ADAMTSL1: variants seen among roughly 807,000 people sequenced by gnomAD.
ADAMTSL1 encodes ADAMTS like 1, also known as ADAMTS-like protein 1.
Under a neutral mutation model 201.8 loss-of-function variants are expected in ADAMTSL1, and 126 were observed. The ratio of observed to expected loss-of-function variants is 0.62; its 90% CI spans 0.54 to 0.72. The LOEUF is 0.72. Ranked by LOEUF, ADAMTSL1 falls within the 30% of genes least tolerant of loss-of-function variation. The pLI, the probability that ADAMTSL1 is intolerant of heterozygous loss-of-function variation, is 0.00. For synonymous variants in ADAMTSL1, 1,121 were observed against 903.4 expected (o/e 1.24, Z -4.32); for missense variants, 2,679 against 2,277.8 (o/e 1.18, Z -3.59).
intron 1 of ADAMTSL1, among the ~76,000 whole-genome samples, chr9:18,040,916 T>G (rs1446269728): frequency 6.6e-6 from 1 of 152,232 alleles, no homozygotes; most frequent in East Asian, 1.9e-4. Flanking sequence ...AAAAAAATTT[T>G]AAATAAACTC....
chr9:18,539,451 C>G (rs1367850011), intron 3 of ADAMTSL1, among the ~76,000 whole-genome samples: 3 of 152,246 alleles, frequency 2.0e-5, no homozygotes, highest in Non-Finnish European at 4.4e-5. Context: ...CATTCAGTGT[C>G]TGACACCATG....
At chr9:18,654,768 T>C (rs1028002108) in intron 7 of ADAMTSL1, among the ~76,000 whole-genome samples, 1 of 152,228 alleles carries the variant, frequency 6.6e-6, no homozygotes, top group African/African-American at 2.4e-5. Flanking sequence ...GACTGACACA[T>C]TTAATCAACA....
At chr9:18,104,055 A>C (rs1305950351) in intron 1 of ADAMTSL1, among the ~76,000 whole-genome samples, 1 of 152,218 alleles carries the variant, frequency 6.6e-6, no homozygotes, top group Non-Finnish European at 1.5e-5. Context: ...ACAATTAAAT[A>C]GTAACATCTT....
chr9:17,979,676 G>T (rs531877613), intron 1 of ADAMTSL1, among the ~76,000 whole-genome samples: 1 of 152,020 alleles, frequency 6.6e-6, no homozygotes, highest in South Asian at 2.1e-4. Flanking sequence ...ATTTTGTTTT[G>T]CTGCTTGTCT....
intron 1 of ADAMTSL1, among the ~76,000 whole-genome samples, chr9:17,975,025 AG>A (rs1457976704): frequency 6.6e-6 from 1 of 151,996 alleles, no homozygotes; most frequent in Non-Finnish European, 1.5e-5. Context: ...CCTCCCCAAA[AG>A]TTAACCTTCA....
chr9:18,609,090 C>G (rs1284599868), intron 4 of ADAMTSL1, among the ~76,000 whole-genome samples: 1 of 152,096 alleles, frequency 6.6e-6, no homozygotes, highest in Admixed American at 6.6e-5. Flanking sequence ...TATGTCTTTC[C>G]CAGCACCTTA....
At chr9:18,500,917 C>T (rs1231907860) in intron 1 of ADAMTSL1, among the ~76,000 whole-genome samples, 6 of 152,250 alleles carry the variant, frequency 3.9e-5, no homozygotes, top group African/African-American at 1.4e-4. Context: ...CTGAAATTTC[C>T]AGCAGTGGGG....
intron 1 of ADAMTSL1, among the ~76,000 whole-genome samples, chr9:18,133,215 G>T (rs1826020315): frequency 6.6e-6 from 1 of 152,086 alleles, no homozygotes. Context: ...CCCAGGATTA[G>T]AGTTGGGATC....
Position 18,721,544 on chromosome 9 carries a change from G to C in ADAMTSL1, c.1885G>C (p.Glu629Gln), listed in dbSNP as rs1286927260. The change falls in exon 15 of 29, where the codon GAG (glutamate) becomes CAG (glutamine). Residue 629 changes from glutamate to glutamine, a missense_variant. Transcript: ENST00000380548. ...CSESCGGGVQ[E>Q]AVVSCLNKQT... The stretch of plus-strand genomic sequence containing the variant: ...GTGTGATTTGTACACAGGTGTCCAG[G>C]AGGCTGTGGTGAGCTGCTTGAACAA... The C allele has an allele frequency of 6.2e-7, 1 of 1,613,928 alleles. No individual in the cohort carries two copies. The highest frequency in any genetic ancestry group is 8.5e-7 in the Non-Finnish European group (1 of 1,179,882).
chr9:18,562,769 C>T (rs1411384542), intron 3 of ADAMTSL1, among the ~76,000 whole-genome samples: 1 of 152,176 alleles, frequency 6.6e-6, no homozygotes, highest in African/African-American at 2.4e-5. Context: ...TTAAGATGAT[C>T]TTCAATCTTT....
chr9:18,034,865 G>C (rs895291366), intron 1 of ADAMTSL1, among the ~76,000 whole-genome samples: 1 of 152,102 alleles, frequency 6.6e-6, no homozygotes, highest in Non-Finnish European at 1.5e-5. Context: ...TCTCTGAGCT[G>C]AATATTTCAG....
chr9:18,327,812 A>G (rs1834886292), intron 2 of ADAMTSL1, among the ~76,000 whole-genome samples: 1 of 152,236 alleles, frequency 6.6e-6, no homozygotes, highest in Admixed American at 6.5e-5. Context: ...TAGGAAAAGA[A>G]ATGTTAGGCA....
intron 23 of ADAMTSL1, among the ~76,000 whole-genome samples, chr9:18,835,607 C>T (rs1267866749): frequency 1.3e-5 from 2 of 152,090 alleles, no homozygotes; most frequent in Non-Finnish European, 1.5e-5. Flanking sequence ...GATCCCATCA[C>T]CCAGATACTG....
chr9:18,894,553 TGAGA>T (rs1331524687), intron 26 of ADAMTSL1, among the ~76,000 whole-genome samples: 2 of 151,514 alleles, frequency 1.3e-5, no homozygotes, highest in Middle Eastern at 3.2e-3. Context: ...ATATGAGGGA[TGAGA>T]GAAAGGAAGG....
chr9:17,998,775 A>T (rs1819489954), intron 1 of ADAMTSL1, among the ~76,000 whole-genome samples: 2 of 151,914 alleles, frequency 1.3e-5, no homozygotes, highest in Admixed American at 1.3e-4. Context: ...CTTATAAGTG[A>T]GGTGACCTAT....
At chr9:18,134,952 C>T (rs1587130509) in intron 1 of ADAMTSL1, among the ~76,000 whole-genome samples, 1 of 152,208 alleles carries the variant, frequency 6.6e-6, no homozygotes, top group East Asian at 1.9e-4. Flanking sequence ...TAGAAAATTG[C>T]ACTGATATTT....
At chr9:18,738,437 G>C (rs1564194138) in intron 15 of ADAMTSL1, among the ~76,000 whole-genome samples, 1 of 152,212 alleles carries the variant, frequency 6.6e-6, no homozygotes, top group African/African-American at 2.4e-5. Context: ...GAAGATGGTT[G>C]CATTCATAGA....
intron 2 of ADAMTSL1, among the ~76,000 whole-genome samples, chr9:18,277,682 C>T (rs558628790): frequency 6.6e-6 from 1 of 152,136 alleles, no homozygotes; most frequent in Non-Finnish European, 1.5e-5. Context: ...TAAAGTGAGT[C>T]TCTTGTAGGC....
At chr9:17,978,404 T>C (rs1818540239) in intron 1 of ADAMTSL1, among the ~76,000 whole-genome samples, 1 of 152,072 alleles carries the variant, frequency 6.6e-6, no homozygotes, top group Non-Finnish European at 1.5e-5. Flanking sequence ...TGTGATTAGA[T>C]GATTTTCTGT....
Sources: gnomAD v4.1 joint callset for allele counts (sites outside exome capture counted in the v4.1 genomes callset) on GRCh38, gnomAD v4.1.1 for gene constraint, MANE v1.5 for transcripts, NCBI Gene and HGNC (gene_info 2026-07-23, HGNC 2026-07-21) for gene names.